Variants in GOLGA8B observed in about 807,000 individuals in gnomAD.
GOLGA8B encodes the protein golgin subfamily A member 8B.
A neutral mutation model predicts 15.6 loss-of-function variants in GOLGA8B; 1 was observed. The observed-to-expected ratio is 0.06, with a 90% CI of 0.02 to 0.30. The LOEUF is 0.30. GOLGA8B is among the 10% of genes least tolerant of loss of function. The pLI is 1.00. For missense variants in GOLGA8B, 17 were observed against 201.3 expected (o/e 0.08, Z 5.54); for synonymous variants, 9 against 80.3 (o/e 0.11, Z 4.75).
rs1265014928 is a variant in GOLGA8B at position 34,526,245 on chromosome 15, G to A, written c.*1387C>T. 6.7e-6 allele frequency: 1 copy of A among 149,978 alleles called. No individual in the cohort carries two copies. The highest frequency in any genetic ancestry group is 1.5e-5 in the Non-Finnish European group (1 of 67,282). 9.3% of individuals were successfully genotyped at this position (149,978 alleles called of 1,614,324 possible). ...CACAAACAGTAGATTGCAGCACAGT[G>A]TGTAAACATTTTCAGTTGCATAAAC... On this transcript the variant is annotated 3_prime_UTR_variant, in exon 24 of 24. Transcript: ENST00000683415.
intron 1 of GOLGA8B, among the ~76,000 whole-genome samples, chr15:34,570,049 C>G (rs949905846): frequency 2.6e-5 from 4 of 152,214 alleles, no homozygotes; most frequent in Non-Finnish European, 1.5e-5. Context: ...CCACCACCTG[C>G]TTTGAGAACC....
At chr15:34,579,219 C>A (rs1389100559) in intron 1 of GOLGA8B, among the ~76,000 whole-genome samples, 1 of 151,910 alleles carries the variant, frequency 6.6e-6, no homozygotes, top group East Asian at 1.9e-4. Context: ...TTCTGACCTC[C>A]CAGTCCCTTT....
Position 34,525,767 on chromosome 15 carries a change from C to T in GOLGA8B, c.*1865G>A, listed in dbSNP as rs1002698661. 5 of 149,536 alleles carry T rather than the reference C, an allele frequency of 3.3e-5. 1 individual carries two copies. The highest frequency in any genetic ancestry group is 1.2e-4 in the African/African-American group (5 of 40,292). 9.3% of individuals were successfully genotyped at this position (149,536 alleles called of 1,614,324 possible). A position where few individuals can be genotyped will look rare whatever the true frequency, so the allele number is the denominator to read the frequency against. ...GTCACAAGGACCCAATATCTGCCCT[C>T]TTTCAGTGAATGCCGGCAAATCTGT... On this transcript the variant is annotated 3_prime_UTR_variant, in exon 24 of 24. Coordinates refer to ENST00000683415, the MANE Select transcript of GOLGA8B (RefSeq NM_001023567.5).
At chr15:34,556,880 C>G (rs1383826056) in intron 1 of GOLGA8B, 5 of 822,786 alleles carry the variant, frequency 6.1e-6, no homozygotes, top group Non-Finnish European at 9.6e-6. Flanking sequence ...CCTCAGGGTA[C>G]AGGCCTCGCA....
At chr15:34,573,485 C>T (rs1340120194) in intron 1 of GOLGA8B, among the ~76,000 whole-genome samples, 8 of 139,044 alleles carry the variant, frequency 5.8e-5, no homozygotes, top group Non-Finnish European at 9.0e-5. Flanking sequence ...TACAGTAAGC[C>T]GAGATTGTGC....
chr15:34,577,507 TACACACACACAC>T (rs71119972), intron 1 of GOLGA8B, among the ~76,000 whole-genome samples: 4,276 of 125,266 alleles, frequency 0.034, 77 homozygotes, highest in African/African-American at 0.042. Context: ...TTATATATCA[TACACACACACAC>T]ACACACACAC....
At chr15:34,579,093 G>A (rs908597580) in intron 1 of GOLGA8B, among the ~76,000 whole-genome samples, 6 of 151,940 alleles carry the variant, frequency 3.9e-5, no homozygotes, top group Admixed American at 6.6e-5. Flanking sequence ...GGCCTCATGC[G>A]CACATTGCAG....
intron 1 of GOLGA8B, among the ~76,000 whole-genome samples, chr15:34,578,082 A>G (rs1566936840): frequency 6.6e-6 from 1 of 152,216 alleles, no homozygotes; most frequent in Non-Finnish European, 1.5e-5. Context: ...TGAAAATCCT[A>G]AATGTCAGTA....
At chr15:34,564,665 G>C (rs1320292633) in intron 1 of GOLGA8B, among the ~76,000 whole-genome samples, 2 of 145,220 alleles carry the variant, frequency 1.4e-5, no homozygotes, top group Non-Finnish European at 3.2e-5. Flanking sequence ...TTATGGTCTT[G>C]ATTGTTTTAC....
At chr15:34,578,238 A>T (rs1447678160) in intron 1 of GOLGA8B, among the ~76,000 whole-genome samples, 1 of 152,136 alleles carries the variant, frequency 6.6e-6, no homozygotes, top group Non-Finnish European at 1.5e-5. Flanking sequence ...AAAATGGAAA[A>T]CACCTTAGTG....
intron 1 of GOLGA8B, among the ~76,000 whole-genome samples, chr15:34,579,141 G>T (rs1334485787): frequency 1.3e-5 from 2 of 152,020 alleles, no homozygotes; most frequent in Admixed American, 1.3e-4. Flanking sequence ...GACTGGCCCT[G>T]GACCCCAGGG....
chr15:34,577,819 T>C (rs906134526), intron 1 of GOLGA8B, among the ~76,000 whole-genome samples: 15 of 152,290 alleles, frequency 9.8e-5, no homozygotes, highest in African/African-American at 3.6e-4. Context: ...GGGCACTTTC[T>C]ATGAATGGAC....
At chr15:34,576,417 T>C (rs1889083482) in intron 1 of GOLGA8B, among the ~76,000 whole-genome samples, 1 of 152,050 alleles carries the variant, frequency 6.6e-6, no homozygotes, top group South Asian at 2.1e-4. Context: ...CAATCAGGAG[T>C]TCTTGGTCTG....
intron 1 of GOLGA8B, among the ~76,000 whole-genome samples, chr15:34,561,059 G>GGCAGGT (rs1888613019): frequency 6.8e-6 from 1 of 146,668 alleles, no homozygotes; most frequent in Non-Finnish European, 1.5e-5. Flanking sequence ...TGGTATGTGA[G>GGCAGGT]GCAGGTGACC....
At position 34,525,933 on chromosome 15, in the gene GOLGA8B, C is replaced by G. The variant is rs923465240; in HGVS notation, c.*1699G>C. The G allele has an allele frequency of 4.0e-5, 6 of 149,014 alleles. 1 individual carries two copies. Among genetic ancestry groups the G allele is most frequent in the Non-Finnish European group, 8.9e-5 (6 of 67,042 alleles). The allele number at this position is 149,014 out of a possible 1,614,324, so 9.2% of individuals were successfully genotyped here. A position where few individuals can be genotyped will look rare whatever the true frequency, so the allele number is the denominator to read the frequency against. On this transcript the variant is annotated 3_prime_UTR_variant, in exon 24 of 24. Coordinates refer to ENST00000683415, the MANE Select transcript of GOLGA8B (RefSeq NM_001023567.5). ...CCCCAGGGAGCACACATACATATCTCCCTACAACCTAATAATGTGATGTGT... is the reference window on the plus strand; with the variant it reads ...CCCCAGGGAGCACACATACATATCTGCCTACAACCTAATAATGTGATGTGT...
chr15:34,583,048 C>T (rs1317878351), intron 1 of GOLGA8B, among the ~76,000 whole-genome samples: 1 of 152,156 alleles, frequency 6.6e-6, no homozygotes, highest in African/African-American at 2.4e-5. Flanking sequence ...TCGGGTTCTC[C>T]CGGGGAAGCG....
intron 1 of GOLGA8B, among the ~76,000 whole-genome samples, chr15:34,579,423 A>C (rs1889169650): frequency 6.6e-6 from 1 of 152,158 alleles, no homozygotes; most frequent in South Asian, 2.1e-4. Context: ...GCCTCCTTCC[A>C]AAGTGCATCC....
At chr15:34,557,676 G>GTGTGTGTC (rs1555405954) in intron 1 of GOLGA8B, among the ~76,000 whole-genome samples, 28 of 107,864 alleles carry the variant, frequency 2.6e-4, no homozygotes, top group African/African-American at 8.4e-4. Flanking sequence ...GTGTGTGTGT[G>GTGTGTGTC]TGTGTGTCTG....
rs565484767 is a variant in GOLGA8B, at chr15:34,526,730, T to C, written c.*902A>G. 5.3e-5 allele frequency: 8 copies of C among 149,634 alleles called. 1 individual carries two copies. The highest frequency in any genetic ancestry group is 8.9e-5 in the Non-Finnish European group (6 of 67,292). The allele number at this position is 149,634 out of a possible 1,614,324, so 9.3% of individuals were successfully genotyped here. A position where few individuals can be genotyped will look rare whatever the true frequency, so the allele number is the denominator to read the frequency against. ...CACGAACTCTGACTTTAAAATGTAT[T>C]GTAGATACAAATGCTCTAAGCTAGG... On this transcript the variant is annotated 3_prime_UTR_variant, in exon 24 of 24. Transcript: ENST00000683415.
Sources: allele counts gnomAD v4.1 joint callset (sites outside exome capture counted in the v4.1 genomes callset), GRCh38; gene constraint gnomAD v4.1.1; transcripts MANE v1.5; gene names NCBI Gene and HGNC (gene_info 2026-07-23, HGNC 2026-07-21).